The following RANBP2 variants were observed in gnomAD, a reference collection of about 807,000 sequenced individuals.
RANBP2 encodes the protein RAN binding protein 2, also known as E3 SUMO-protein ligase RanBP2.
A neutral mutation model predicts 303.6 loss-of-function variants in RANBP2; 57 were observed. The ratio of observed to expected loss-of-function variants is 0.19; its 90% CI spans 0.15 to 0.23. The LOEUF (loss-of-function observed/expected upper bound fraction) is 0.23. Among genes scored for constraint, RANBP2 ranks in the 10% least tolerant of loss-of-function variants. The probability of loss-of-function intolerance (pLI) is 1.00; values close to 1 mark genes in which losing one functional copy is unlikely to be tolerated. For missense variants in RANBP2, 3,138 were observed against 3,780.8 expected, an observed-to-expected ratio of 0.83 and a Z score of 4.46; for synonymous variants, 1,167 against 1,301.5, an observed-to-expected ratio of 0.90 and a Z score of 2.23.
chr2:109,723,801 G>A, the RANBP2 span, among the ~76,000 whole-genome samples: 1 of 152,076 alleles, frequency 6.6e-6, no homozygotes, highest in African/African-American at 2.4e-5. Context: ...TTTTGCTTTT[G>A]TTGCAATTGC....
the RANBP2 span, among the ~76,000 whole-genome samples, chr2:109,484,830 C>G: frequency 1.3e-5 from 2 of 152,226 alleles, no homozygotes; most frequent in Non-Finnish European, 2.9e-5. Context: ...CTGGGACTGT[C>G]TGCAGGTGCT....
chr2:109,331,442 T>G, the RANBP2 span, among the ~76,000 whole-genome samples: 4 of 152,180 alleles, frequency 2.6e-5, no homozygotes, highest in Admixed American at 6.5e-5. Context: ...GGTTTGCAAC[T>G]TCTCCCTGCC....
chr2:109,196,544 C>T, the RANBP2 span, among the ~76,000 whole-genome samples: 2 of 152,266 alleles, frequency 1.3e-5, no homozygotes, highest in South Asian at 2.1e-4. Context: ...CTGAGAGGTC[C>T]GTGGGTTTGT....
At chr2:109,016,654 C>T in the RANBP2 span, among the ~76,000 whole-genome samples, 2 of 152,210 alleles carry the variant, frequency 1.3e-5, no homozygotes, top group African/African-American at 4.8e-5. Flanking sequence ...GCAGGAGAGA[C>T]ATTGAGGCAG....
chr2:109,011,568 C>T, the RANBP2 span, among the ~76,000 whole-genome samples: 2 of 152,116 alleles, frequency 1.3e-5, no homozygotes, highest in South Asian at 2.1e-4. Flanking sequence ...GCTCAGTGGG[C>T]CCAAATTTTA....
the RANBP2 span, chr2:108,896,985 A>G: frequency 6.2e-7 from 1 of 1,613,832 alleles, no homozygotes. Flanking sequence ...AGGACTCCAC[A>G]GCATCCAGCC....
chr2:109,615,387 A>G, the RANBP2 span: 1 of 1,613,042 alleles, frequency 6.2e-7, no homozygotes, highest in Non-Finnish European at 8.5e-7. Flanking sequence ...GCGGGACTTC[A>G]TTACCGGCTT....
chr2:109,419,146 C>T, the RANBP2 span, among the ~76,000 whole-genome samples: 7 of 152,302 alleles, frequency 4.6e-5, no homozygotes, highest in East Asian at 1.9e-4. Context: ...TTCCTGGGGA[C>T]GCTCTTTTTA....
the RANBP2 span, among the ~76,000 whole-genome samples, chr2:109,549,082 T>A: frequency 3.3e-5 from 5 of 152,292 alleles, no homozygotes; most frequent in South Asian, 2.1e-4. Flanking sequence ...TTCCTGCTTT[T>A]AAAAAAGTTA....
the RANBP2 span, among the ~76,000 whole-genome samples, chr2:109,330,437 C>T: frequency 2.0e-5 from 3 of 151,914 alleles, no homozygotes; most frequent in Admixed American, 6.6e-5. Flanking sequence ...CATGTATATT[C>T]GATACATTAT....
chr2:108,953,981 G>A, the RANBP2 span, among the ~76,000 whole-genome samples: 1 of 152,166 alleles, frequency 6.6e-6, no homozygotes. Context: ...TTCTTTGGTT[G>A]CTCCTGAAAG....
At chr2:109,067,722 G>A in the RANBP2 span, among the ~76,000 whole-genome samples, 4 of 152,166 alleles carry the variant, frequency 2.6e-5, no homozygotes, top group South Asian at 2.1e-4. Context: ...TCCTGGCCGC[G>A]CAATCCTTCA....
the RANBP2 span, among the ~76,000 whole-genome samples, chr2:109,207,931 T>C: frequency 6.6e-6 from 1 of 152,232 alleles, no homozygotes; most frequent in Admixed American, 6.5e-5. Context: ...TTAGTTTTGC[T>C]CTAATCTGGA....
chr2:108,873,862 A>G, the RANBP2 span, among the ~76,000 whole-genome samples: 9 of 152,228 alleles, frequency 5.9e-5, no homozygotes, highest in Non-Finnish European at 1.3e-4. Flanking sequence ...AGGTTGGACA[A>G]GCTTGATTTA....
the RANBP2 span, among the ~76,000 whole-genome samples, chr2:108,809,774 G>A: frequency 6.6e-6 from 1 of 150,510 alleles, no homozygotes; most frequent in African/African-American, 2.4e-5. Flanking sequence ...TCCAAAGAAG[G>A]ACAATTTGAC....
At chr2:109,338,809 C>T in the RANBP2 span, among the ~76,000 whole-genome samples, 164 of 152,274 alleles carry the variant, frequency 1.1e-3, 1 homozygote, top group South Asian at 1.7e-3. Context: ...CCACCCGCCT[C>T]GGCCTCCCAA....
At chr2:109,201,012 A>G in the RANBP2 span, among the ~76,000 whole-genome samples, 1 of 152,148 alleles carries the variant, frequency 6.6e-6, no homozygotes, top group African/African-American at 2.4e-5. Context: ...AGCAGCAGCT[A>G]AGTGGCTGTG....
Position 108,729,318 on chromosome 2 carries a change from G to A in RANBP2, c.140+119G>A, listed in dbSNP as rs560855170. ...TCTTCCTAAGTGTATTCTGGAATAA[G>A]GGATTTATCACTCAGACTGATGCTA... On this transcript the variant is annotated intron_variant, in intron 2 of 28. Transcript: ENST00000283195. 25 of 1,171,442 alleles carry A rather than the reference G, an allele frequency of 2.1e-5. No homozygotes were observed. In the East Asian group the frequency reaches 6.7e-4, roughly 31 times the overall value. The allele number at this position is 1,171,442 out of a possible 1,614,324, so 72.6% of individuals were successfully genotyped here. A position where few individuals can be genotyped will look rare whatever the true frequency, so the allele number is the denominator to read the frequency against.
chr2:109,593,389 A>G, the RANBP2 span, among the ~76,000 whole-genome samples: 2 of 151,258 alleles, frequency 1.3e-5, no homozygotes, highest in South Asian at 2.1e-4. Context: ...ACTTCCATTT[A>G]CAAGTAGAGA....
Sources: allele counts gnomAD v4.1 joint callset (sites outside exome capture counted in the v4.1 genomes callset), GRCh38; gene constraint gnomAD v4.1.1; transcripts MANE v1.5; gene names NCBI Gene and HGNC (gene_info 2026-07-23, HGNC 2026-07-21).